The following RMST variants were observed in gnomAD, a reference collection of about 807,000 sequenced individuals.
RMST encodes rhabdomyosarcoma 2 associated transcript.
intron 11 of RMST, among the ~76,000 whole-genome samples, chr12:97,559,885 T>G (rs2136671707): frequency 6.6e-6 from 1 of 152,330 alleles, no homozygotes; most frequent in South Asian, 2.1e-4. Context: ...CTTCATCCTT[T>G]CTAGGTGAAC....
At chr12:97,537,998 C>T (rs1160408751) in intron 11 of RMST, among the ~76,000 whole-genome samples, 1 of 151,316 alleles carries the variant, frequency 6.6e-6, no homozygotes, top group Non-Finnish European at 1.5e-5. Flanking sequence ...AAGATTATAT[C>T]CACCTACCAT....
chr12:97,496,119 T>C (rs1486318354), intron 10 of RMST: 1 of 152,180 alleles, frequency 6.6e-6, no homozygotes, highest in Non-Finnish European at 1.5e-5. Context: ...CTAATTTCTC[T>C]TGTTTGCCAG....
At chr12:97,514,668 T>A (rs1029050843) in intron 10 of RMST, among the ~76,000 whole-genome samples, 1 of 112,058 alleles carries the variant, frequency 8.9e-6, no homozygotes, top group East Asian at 3.5e-4. Flanking sequence ...AAGTATATTG[T>A]TTTTTTTTTT....
intron 11 of RMST, among the ~76,000 whole-genome samples, chr12:97,555,938 G>A (rs1458180090): frequency 2.6e-5 from 4 of 152,006 alleles, no homozygotes; most frequent in Admixed American, 6.6e-5. Context: ...TTGCATCTTC[G>A]TCCCAGCATC....
chr12:97,541,320 T>A (rs189669478), intron 11 of RMST: 1 of 151,764 alleles, frequency 6.6e-6, no homozygotes, highest in Non-Finnish European at 1.5e-5. Flanking sequence ...TAGGAGAATA[T>A]ACTTGGAATC....
Position 97,467,042 on chromosome 12 carries a change from A to C in RMST, n.644+1315A>C, listed in dbSNP as rs536475757. ...GTCAGAGAAAGCTGAGAAAAGAAGG[A>C]AACAAGGAGTAAATACTATGAGTGA... is the stretch of plus-strand genomic sequence containing the variant. On this transcript the variant is annotated intron_variant and non_coding_transcript_variant, in intron 5 of 13. Coordinates refer to ENST00000640149, the Ensembl canonical transcript of RMST. Among the ~76,000 whole-genome samples, 13 of 152,172 alleles carry C rather than the reference A, an allele frequency of 8.5e-5. No homozygotes were observed. In the East Asian group the frequency reaches 2.5e-3, roughly 29 times the overall value.
exon 14 of RMST, chr12:97,564,407 G>GGGAGGA: frequency 6.5e-6 from 1 of 154,102 alleles, no homozygotes; most frequent in Admixed American, 6.4e-5. Flanking sequence ...TAAGGGTGTG[G>GGGAGGA]TACAATGGGG....
intron 11 of RMST, among the ~76,000 whole-genome samples, chr12:97,545,873 T>G (rs563337437): frequency 6.6e-6 from 1 of 152,208 alleles, no homozygotes; most frequent in African/African-American, 2.4e-5. Flanking sequence ...TAGGGCACAC[T>G]TTTTACAAAT....
chr12:97,536,062 C>G (rs780915321), intron 11 of RMST, among the ~76,000 whole-genome samples: 2 of 151,544 alleles, frequency 1.3e-5, no homozygotes, highest in Non-Finnish European at 3.0e-5. Flanking sequence ...TGTCCTACCT[C>G]ATATGGTTTC....
At chr12:97,536,548 C>T (rs1164709485) in intron 11 of RMST, among the ~76,000 whole-genome samples, 1 of 151,288 alleles carries the variant, frequency 6.6e-6, no homozygotes, top group Non-Finnish European at 1.5e-5. Flanking sequence ...ATCTGCAGGG[C>T]CTAGAAGAGA....
chr12:97,469,806 T>G, intron 5 of RMST, among the ~76,000 whole-genome samples: 1 of 152,114 alleles, frequency 6.6e-6, no homozygotes, highest in East Asian at 1.9e-4. Flanking sequence ...TCAACGTCCT[T>G]AGAATACAGG....
chr12:97,474,046 G>A (rs1045575709), intron 5 of RMST, among the ~76,000 whole-genome samples: 1 of 152,084 alleles, frequency 6.6e-6, no homozygotes, highest in African/African-American at 2.4e-5. Context: ...CACATTCCTA[G>A]TAGACATTTC....
chr12:97,556,235 G>A (rs114164755), intron 11 of RMST, among the ~76,000 whole-genome samples: 1 of 152,052 alleles, frequency 6.6e-6, no homozygotes, highest in African/African-American at 2.4e-5. Flanking sequence ...ACCAAACCAT[G>A]GGCATTCTCT....
intron 4 of RMST, among the ~76,000 whole-genome samples, chr12:97,463,661 C>T (rs369212534): frequency 1.3e-5 from 2 of 152,268 alleles, no homozygotes; most frequent in East Asian, 3.9e-4. Context: ...TATTTTTACA[C>T]TCAACTGTAC....
At chr12:97,502,066 T>A (rs536332862) in intron 10 of RMST, among the ~76,000 whole-genome samples, 1 of 152,236 alleles carries the variant, frequency 6.6e-6, no homozygotes, top group African/African-American at 2.4e-5. Context: ...ATCATTGCAT[T>A]ATATGTGTTG....
chr12:97,479,893 T>A (rs1218486970), intron 5 of RMST, among the ~76,000 whole-genome samples: 1 of 152,124 alleles, frequency 6.6e-6, no homozygotes, highest in Non-Finnish European at 1.5e-5. Context: ...GTGTGCAAAC[T>A]AACCTCATCA....
At chr12:97,524,070 T>A (rs1435661038) in intron 10 of RMST, among the ~76,000 whole-genome samples, 1 of 16,106 alleles carries the variant, frequency 6.2e-5, no homozygotes, top group Non-Finnish European at 1.6e-4. Flanking sequence ...AGTGAGACTC[T>A]GTCTCAAAAA....
intron 11 of RMST, among the ~76,000 whole-genome samples, chr12:97,548,029 T>G (rs1042615086): frequency 3.9e-5 from 6 of 152,108 alleles, no homozygotes; most frequent in African/African-American, 1.4e-4. Flanking sequence ...ACATTTTCTG[T>G]TCTTACATTT....
chr12:97,534,557 A>T (rs530169933), intron 11 of RMST, among the ~76,000 whole-genome samples: 1 of 151,884 alleles, frequency 6.6e-6, no homozygotes, highest in Non-Finnish European at 1.5e-5. Context: ...GGTGAAATTC[A>T]TATTGTCTCA....
Sources: allele counts gnomAD v4.1 joint callset (sites outside exome capture counted in the v4.1 genomes callset), GRCh38; gene constraint gnomAD v4.1.1; transcripts MANE v1.5; gene names NCBI Gene and HGNC (gene_info 2026-07-23, HGNC 2026-07-21).